The following TOP6BL variants were observed in gnomAD, a reference collection of about 807,000 sequenced individuals.
TOP6BL encodes the protein type 2 DNA topoisomerase 6 subunit B-like.
At chr11:66,783,615 TG>T in the TOP6BL span, among the ~76,000 whole-genome samples, 1 of 152,176 alleles carries the variant, frequency 6.6e-6, no homozygotes, top group Non-Finnish European at 1.5e-5. Context: ...GCTTTTGCCT[TG>T]TTTTTTCGAA....
At chr11:66,821,846 C>G in the TOP6BL span, 1 of 1,492,362 alleles carries the variant, frequency 6.7e-7, no homozygotes, top group South Asian at 1.2e-5. Context: ...GGCCCAGGAG[C>G]CCTTCCTCCC....
the TOP6BL span, among the ~76,000 whole-genome samples, chr11:66,814,384 G>A: frequency 9.2e-5 from 14 of 152,008 alleles, no homozygotes; most frequent in African/African-American, 2.2e-4. Context: ...TCACCCTTCC[G>A]AGTAGCTGGG....
At chr11:66,826,070 C>T in the TOP6BL span, among the ~76,000 whole-genome samples, 1 of 152,290 alleles carries the variant, frequency 6.6e-6, no homozygotes, top group Non-Finnish European at 1.5e-5. Flanking sequence ...GTCTCAATCT[C>T]CTGACCTCGG....
the TOP6BL span, chr11:66,815,798 TCTC>T: frequency 2.9e-6 from 1 of 346,884 alleles, no homozygotes; most frequent in South Asian, 7.5e-5. Context: ...GTGTAGAGCT[TCTC>T]AGTAATGTAA....
chr11:66,789,628 A>G, the TOP6BL span, among the ~76,000 whole-genome samples: 1 of 149,168 alleles, frequency 6.7e-6, no homozygotes, highest in East Asian at 1.9e-4. Context: ...CCAGTGAACC[A>G]AGAAGGGCAA....
the TOP6BL span, among the ~76,000 whole-genome samples, chr11:66,835,561 G>GTT: frequency 6.6e-6 from 1 of 152,190 alleles, no homozygotes; most frequent in Admixed American, 6.5e-5. Context: ...CCTATTCGCA[G>GTT]TGAGTCCCAG....
chr11:66,812,249 T>C, the TOP6BL span, among the ~76,000 whole-genome samples: 4 of 148,678 alleles, frequency 2.7e-5, no homozygotes, highest in African/African-American at 5.0e-5. Flanking sequence ...CAATCTCGGC[T>C]CACTGTAAGC....
the TOP6BL span, among the ~76,000 whole-genome samples, chr11:66,777,781 G>A: frequency 4.6e-5 from 7 of 151,848 alleles, no homozygotes; most frequent in Non-Finnish European, 1.0e-4. Flanking sequence ...CTGAGGCAAG[G>A]GAATCACTTG....
At chr11:66,815,819 C>A in the TOP6BL span, 1 of 389,684 alleles carries the variant, frequency 2.6e-6, no homozygotes, top group Non-Finnish European at 4.6e-6. Context: ...TAAAGGAGTG[C>A]TGTTTGGCTT....
At chr11:66,749,350 A>G in the TOP6BL span, among the ~76,000 whole-genome samples, 1 of 151,990 alleles carries the variant, frequency 6.6e-6, no homozygotes, top group African/African-American at 2.4e-5. Flanking sequence ...GTCTAGGGTG[A>G]TGGTTGGTCT....
At chr11:66,800,782 C>G in the TOP6BL span, 4 of 1,244,098 alleles carry the variant, frequency 3.2e-6, no homozygotes, top group African/African-American at 1.5e-5. Context: ...AAAAGGTTCA[C>G]AGTTTGATAT....
the TOP6BL span, chr11:66,800,617 C>A: frequency 6.4e-7 from 1 of 1,569,440 alleles, no homozygotes; most frequent in South Asian, 1.2e-5. Flanking sequence ...TGTTAAATCT[C>A]ACACTTAACT....
At chr11:66,750,617 C>T in the TOP6BL span, among the ~76,000 whole-genome samples, 1 of 151,944 alleles carries the variant, frequency 6.6e-6, no homozygotes, top group African/African-American at 2.4e-5. Context: ...CATCTTTCTC[C>T]CTCCTAGAGG....
the TOP6BL span, among the ~76,000 whole-genome samples, chr11:66,804,756 G>A: frequency 1.1e-4 from 17 of 152,044 alleles, no homozygotes; most frequent in African/African-American, 3.9e-4. Flanking sequence ...TGGCCAATAT[G>A]GTGAAACCCT....
At chr11:66,831,729 C>T in the TOP6BL span, among the ~76,000 whole-genome samples, 1 of 152,112 alleles carries the variant, frequency 6.6e-6, no homozygotes, top group Non-Finnish European at 1.5e-5. Context: ...GGTGCGGTGG[C>T]TCACGCCTGT....
At chr11:66,798,654 A>G in the TOP6BL span, among the ~76,000 whole-genome samples, 1 of 151,490 alleles carries the variant, frequency 6.6e-6, no homozygotes, top group Non-Finnish European at 1.5e-5. Flanking sequence ...AATGGCAAAG[A>G]GGCAGGGATG....
At chr11:66,785,144 A>G in the TOP6BL span, among the ~76,000 whole-genome samples, 1 of 151,440 alleles carries the variant, frequency 6.6e-6, no homozygotes, top group African/African-American at 2.4e-5. Context: ...TTTTTAGTAG[A>G]GACGGGGTTT....
chr11:66,754,440 T>C, the TOP6BL span, among the ~76,000 whole-genome samples: 1 of 152,242 alleles, frequency 6.6e-6, no homozygotes, highest in Non-Finnish European at 1.5e-5. Context: ...CTCGTTCTTG[T>C]TTCCCTTGTA....
At chr11:66,809,688 T>C in the TOP6BL span, among the ~76,000 whole-genome samples, 1 of 152,172 alleles carries the variant, frequency 6.6e-6, no homozygotes, top group African/African-American at 2.4e-5. Context: ...ATAGAAGATA[T>C]GTGAGTGTAA....
Sources: allele counts gnomAD v4.1 joint callset (sites outside exome capture counted in the v4.1 genomes callset), GRCh38; gene constraint gnomAD v4.1.1; transcripts MANE v1.5; gene names NCBI Gene and HGNC (gene_info 2026-07-23, HGNC 2026-07-21).